The following NCOA3 variants were observed in gnomAD, a reference collection of about 807,000 sequenced individuals.
The protein encoded by NCOA3 is CBP-interacting protein.
A neutral mutation model predicts 158.8 loss-of-function variants in NCOA3; 51 were observed. The observed-to-expected ratio is 0.32, with a 90% CI of 0.26 to 0.41. The LOEUF (loss-of-function observed/expected upper bound fraction) is 0.41, where lower values mean the gene tolerates loss of function less well. Among genes scored for constraint, NCOA3 ranks in the 10% least tolerant of loss-of-function variants. The pLI is 1.00. For synonymous variants in NCOA3, 537 were observed against 592.4 expected (o/e 0.91, Z 1.36); for missense variants, 1,510 against 1,746.6 (o/e 0.86, Z 2.41).
chr20:47,537,578 TA>T (rs544940976), intron 1 of NCOA3, among the ~76,000 whole-genome samples: 7 of 151,192 alleles, frequency 4.6e-5, no homozygotes, highest in Admixed American at 3.3e-4. Context: ...GGGGTTTACA[TA>T]GGGTTTTTTT....
chr20:47,651,873 A>G (rs1025669223), intron 20 of NCOA3, among the ~76,000 whole-genome samples: 4 of 150,514 alleles, frequency 2.7e-5, no homozygotes, highest in Non-Finnish European at 5.9e-5. Context: ...TCACTGTGTT[A>G]GCCAGGATGG....
chr20:47,629,138 T>A (rs1390887507), intron 8 of NCOA3, among the ~76,000 whole-genome samples: 1 of 152,196 alleles, frequency 6.6e-6, no homozygotes, highest in Non-Finnish European at 1.5e-5. Context: ...TGTGTGTGTT[T>A]GTAATATGTA....
At chr20:47,618,649 C>T (rs965373439) in intron 2 of NCOA3, among the ~76,000 whole-genome samples, 6 of 152,156 alleles carry the variant, frequency 3.9e-5, no homozygotes, top group African/African-American at 1.2e-4. Flanking sequence ...GCACCACACC[C>T]GGCCTTCCCT....
Position 47,571,567 on chromosome 20 carries a change from C to T in NCOA3, c.-98-11616C>T, listed in dbSNP as rs546212272. On this transcript the variant is annotated intron_variant, in intron 1 of 22. Coordinates refer to ENST00000371998, the MANE Select transcript of NCOA3 (RefSeq NM_181659.3). Reference sequence around the variant, plus strand: ...TCCTGGCCTCAAGCAATCCACCTGCCAGCAGTAATATTTTGAATTTTTTTT... The same window carrying T: ...TCCTGGCCTCAAGCAATCCACCTGCTAGCAGTAATATTTTGAATTTTTTTT... 3.3e-5 allele frequency among the ~76,000 whole-genome samples: 5 copies of T among 151,914 alleles called. No individual in the cohort carries two copies. In the South Asian group the frequency reaches 1.0e-3, roughly 32 times the overall value.
At chr20:47,517,382 T>G (rs146952649) in intron 1 of NCOA3, among the ~76,000 whole-genome samples, 142 of 152,260 alleles carry the variant, frequency 9.3e-4, no homozygotes, top group African/African-American at 3.2e-3. Context: ...CTTTTCTTCC[T>G]CTGAACTTGT....
intron 1 of NCOA3, among the ~76,000 whole-genome samples, chr20:47,544,525 G>GA (rs2084797395): frequency 6.6e-6 from 1 of 151,788 alleles, no homozygotes; most frequent in African/African-American, 2.4e-5. Context: ...TTTTGTTTTA[G>GA]ATGTTGCCTT....
intron 1 of NCOA3, among the ~76,000 whole-genome samples, chr20:47,578,127 A>T (rs1404821299): frequency 6.6e-6 from 1 of 151,966 alleles, no homozygotes; most frequent in Non-Finnish European, 1.5e-5. Flanking sequence ...GGAAAAAAAA[A>T]TTCTTAAACT....
intron 1 of NCOA3, among the ~76,000 whole-genome samples, chr20:47,513,186 T>A (rs546430837): frequency 1.1e-4 from 17 of 151,480 alleles, no homozygotes; most frequent in Admixed American, 5.3e-4. Flanking sequence ...TTAAAAAAAA[T>A]AAAATAAACT....
intron 6 of NCOA3, 38 bp from the exon 7 acceptor site, chr20:47,627,523 C>A: frequency 6.6e-7 from 1 of 1,518,258 alleles, no homozygotes; most frequent in Non-Finnish European, 9.0e-7. Context: ...AATGAGTTAC[C>A]AGCTTTTTAA....
Position 47,629,573 on chromosome 20 carries a change from C to T in NCOA3, c.823+1550C>T, listed in dbSNP as rs559177645. Among the ~76,000 whole-genome samples the T allele has an allele frequency of 9.9e-5, 15 of 152,264 alleles. No individual in the cohort carries two copies. The East Asian group carries it at 1.3e-3, about 14-fold the overall frequency. On this transcript the variant is annotated intron_variant, in intron 8 of 22. Transcript: ENST00000371998. Reference sequence around the variant, plus strand: ...CTCAAAGTCCTGACCTCAGGTAATCCGCCTGCCTCGGCCTCCCAAAGTGTT... The same window carrying T: ...CTCAAAGTCCTGACCTCAGGTAATCTGCCTGCCTCGGCCTCCCAAAGTGTT...
At position 47,635,678 on chromosome 20, in the gene NCOA3, C is replaced by T; in HGVS notation, c.1469C>T (p.Pro490Leu). 1 of 1,614,052 alleles carries T rather than the reference C, an allele frequency of 6.2e-7. No individual in the cohort carries two copies. Among genetic ancestry groups the T allele is most frequent in the Non-Finnish European group, 8.5e-7 (1 of 1,179,978 alleles). The change falls in exon 11 of 23, where the codon CCA becomes CTA. Residue 490 changes from proline to leucine, a missense_variant. By Grantham distance (98) the Pro-to-Leu change is moderately conservative. Coordinates refer to ENST00000371998, the MANE Select transcript of NCOA3 (RefSeq NM_181659.3). ...IMISPRNRGS[P>L]KIASHQFSPV... The stretch of plus-strand genomic sequence containing the variant: ...ATTTCTCCTCGTAATCGTGGGAGTC[C>T]AAAGATAGCCTCACATCAGTTTTCT...
intron 8 of NCOA3, 115 bp from the exon 9 acceptor site, chr20:47,633,381 T>C: frequency 2.0e-6 from 2 of 1,010,284 alleles, no homozygotes; most frequent in Non-Finnish European, 2.9e-6. Flanking sequence ...TCAGAGAAGG[T>C]GGAGCAAAGA....
chr20:47,521,980 GAATC>G (rs1443262921), intron 1 of NCOA3, among the ~76,000 whole-genome samples: 1 of 151,860 alleles, frequency 6.6e-6, no homozygotes, highest in Non-Finnish European at 1.5e-5. Flanking sequence ...AATTTGGAGA[GAATC>G]AACATCTTAA....
chr20:47,556,653 A>G (rs1033040307), intron 1 of NCOA3, among the ~76,000 whole-genome samples: 1 of 151,838 alleles, frequency 6.6e-6, no homozygotes, highest in African/African-American at 2.4e-5. Context: ...CTGCTGAGAA[A>G]CTGGGATCAC....
chr20:47,633,644 A>G lies in NCOA3; in HGVS notation c.964+8A>G, dbSNP rs1374151328. Reference sequence around the variant, plus strand: ...AACGTCACTATCAAGAAGGTAAAGAATTTTGGGGTTGATTGTTCTTATCAT... The same window carrying G: ...AACGTCACTATCAAGAAGGTAAAGAGTTTTGGGGTTGATTGTTCTTATCAT... On this transcript the variant is annotated splice_region_variant and intron_variant, in intron 9 of 22. Transcript: ENST00000371998. 1 of 1,608,286 alleles carries G rather than the reference A, an allele frequency of 6.2e-7. No individual in the cohort carries two copies. The highest frequency in any genetic ancestry group is 8.5e-7 in the Non-Finnish European group (1 of 1,178,516).
intron 2 of NCOA3, among the ~76,000 whole-genome samples, chr20:47,599,491 A>T (rs890802716): frequency 3.9e-5 from 6 of 152,218 alleles, no homozygotes; most frequent in Admixed American, 6.5e-5. Flanking sequence ...CACAACTCTG[A>T]AATATACTAA....
chr20:47,627,505 G>A lies in NCOA3; in HGVS notation c.533-56G>A. 8 of 1,335,514 alleles carry A rather than the reference G, an allele frequency of 6.0e-6. No individual in the cohort carries two copies. The South Asian group carries it at 9.5e-5, about 16-fold the overall frequency. 82.7% of individuals were successfully genotyped at this position (1,335,514 alleles called of 1,614,324 possible). Reference sequence around the variant, plus strand: ...AAATGCAGCTTGAATTCTTGATGATGGTCATAGAATGAGTTACCAGCTTTT... The same window carrying A: ...AAATGCAGCTTGAATTCTTGATGATAGTCATAGAATGAGTTACCAGCTTTT... On this transcript the variant is annotated intron_variant, in intron 6 of 22. Transcript: ENST00000371998.
At chr20:47,512,992 A>G (rs1233361769) in intron 1 of NCOA3, among the ~76,000 whole-genome samples, 1 of 152,040 alleles carries the variant, frequency 6.6e-6, no homozygotes, top group Admixed American at 6.6e-5. Flanking sequence ...CCTGGTCTCT[A>G]CTAAAAATAC....
At chr20:47,653,138 A>AG in intron 22 of NCOA3, 66 bp downstream of exon 22, 1 of 1,547,862 alleles carries the variant, frequency 6.5e-7, no homozygotes, top group Non-Finnish European at 8.8e-7. Flanking sequence ...ACTAAAGCCT[A>AG]GGCTATAATC....
Sources: gnomAD v4.1 joint callset for allele counts (sites outside exome capture counted in the v4.1 genomes callset) on GRCh38, gnomAD v4.1.1 for gene constraint, MANE v1.5 for transcripts, NCBI Gene and HGNC (gene_info 2026-07-23, HGNC 2026-07-21) for gene names.